Variants in PLEKHH1 observed in about 807,000 individuals in gnomAD.
The protein encoded by PLEKHH1 is pleckstrin homology, MyTH4 and FERM domain containing H1, also known as pleckstrin homology domain-containing family H member 1.
PLEKHH1 carries 104 observed loss-of-function variants against 160.0 expected under a neutral mutation model. The ratio of observed to expected loss-of-function variants is 0.65; its 90% CI spans 0.55 to 0.76. The LOEUF is 0.76. Ranked by LOEUF, PLEKHH1 falls within the 30% of genes least tolerant of loss-of-function variation. The pLI, the probability that PLEKHH1 is intolerant of heterozygous loss-of-function variation, is 0.00. For synonymous variants in PLEKHH1, 619 were observed against 678.4 expected, an observed-to-expected ratio of 0.91 and a Z score of 1.36; for missense variants, 1,427 against 1,724.1, an observed-to-expected ratio of 0.83 and a Z score of 3.05.
intron 2 of PLEKHH1, among the ~76,000 whole-genome samples, chr14:67,545,457 T>A (rs1378944135): frequency 6.6e-6 from 1 of 152,138 alleles, no homozygotes; most frequent in African/African-American, 2.4e-5. Context: ...AACAGAGTAT[T>A]CATACCTCAA....
intron 9 of PLEKHH1, chr14:67,570,270 A>G: frequency 2.1e-6 from 2 of 939,592 alleles, no homozygotes; most frequent in Non-Finnish European, 2.5e-6. Flanking sequence ...AGCTCTCCCC[A>G]CCTTTTCTCA....
In PLEKHH1 at chr14:67,580,995, T is replaced by C; in HGVS notation, c.3241T>C (p.Ser1081Pro). The C allele has an allele frequency of 1.2e-6, 2 of 1,613,556 alleles. No individual in the cohort carries two copies. The highest frequency in any genetic ancestry group is 1.7e-6 in the Non-Finnish European group (2 of 1,179,540). ...QAMKELHPGK[S>P]EGGTRVVKLM... ...CATGAAGGAGCTGCACCCCGGAAAG[T>C]CTGAGGGTGGGACACGCGTCGTGAA... The change falls in exon 23 of 29, where the codon TCT becomes CCT. Residue 1081 changes from serine (S) to proline (P), a missense_variant. Coordinates refer to ENST00000329153, the MANE Select transcript of PLEKHH1 (RefSeq NM_020715.3).
chr14:67,584,208 T>C, intron 26 of PLEKHH1, 84 bp downstream of exon 26: 16 of 1,386,220 alleles, frequency 1.2e-5, no homozygotes, highest in African/African-American at 1.4e-5. Context: ...TTGCAGCCCC[T>C]ACCTCCATAC....
chr14:67,583,876 C>T lies in PLEKHH1; in HGVS notation c.3562C>T (p.Gln1188Ter), dbSNP rs2036022020. The change falls in exon 25 of 29, where the codon CAG becomes TAG. Residue 1188 changes from glutamine to a stop codon, truncating the protein, a stop_gained. Transcript: ENST00000329153. LOFTEE classifies it high-confidence loss of function. ...RRYRHGAPAE[Q>*]LRHLADMLTT... ...CTATAGACATGGGGCCCCCGCTGAA[C>T]AGCTGAGGTAGGTAGGCTACAAGGT... The T allele has an allele frequency of 6.2e-7, 1 of 1,613,620 alleles. No homozygotes were observed. The highest frequency in any genetic ancestry group is 8.5e-7 in the Non-Finnish European group (1 of 1,179,744).
chr14:67,542,137 A>G, intron 2 of PLEKHH1, 144 bp downstream of exon 2: 1 of 784,590 alleles, frequency 1.3e-6, no homozygotes, highest in South Asian at 1.9e-5. Context: ...AAGGTAGTTT[A>G]AGACCAAAGT....
intron 24 of PLEKHH1, 71 bp from the exon 25 acceptor site, chr14:67,583,670 C>A: frequency 8.4e-7 from 1 of 1,188,038 alleles, no homozygotes; most frequent in African/African-American, 1.5e-5. Flanking sequence ...TTTATTTCAC[C>A]TCTCAACAGC....
chr14:67,580,835 T>G, intron 22 of PLEKHH1, 103 bp from the exon 23 acceptor site: 1 of 730,816 alleles, frequency 1.4e-6, no homozygotes, highest in Non-Finnish European at 2.4e-6. Flanking sequence ...GACTTTTCCT[T>G]AGTTTTCTTT....
At chr14:67,583,653 G>T in intron 24 of PLEKHH1, 88 bp from the exon 25 acceptor site, 1 of 968,202 alleles carries the variant, frequency 1.0e-6, no homozygotes, top group South Asian at 1.8e-5. Flanking sequence ...GGGTAATAAA[G>T]AAATGGTTTA....
rs12147004 is a variant in PLEKHH1, at chr14:67,550,820, G to A, written c.127-5005G>A. 6.7e-3 allele frequency among the ~76,000 whole-genome samples: 1,021 copies of A among 152,334 alleles called. 4 individuals carry two copies. Among genetic ancestry groups the A allele is most frequent in the Admixed American group, 0.013 (203 of 15,300 alleles). On this transcript the variant is annotated intron_variant, in intron 2 of 28. Transcript: ENST00000329153. ...TGTACTCTGGAGCCAGTCTACTTGAGTTTGAATTCTGGCTTTGAATCTTAG... is the reference window on the plus strand; with the variant it reads ...TGTACTCTGGAGCCAGTCTACTTGAATTTGAATTCTGGCTTTGAATCTTAG...
Position 67,586,114 on chromosome 14 carries a change from T to G in PLEKHH1, c.3933+17T>G. 6.2e-7 allele frequency: 1 copy of G among 1,613,264 alleles called. No individual in the cohort carries two copies. Among genetic ancestry groups the G allele is most frequent in the Non-Finnish European group, 8.5e-7 (1 of 1,179,640 alleles). On this transcript the variant is annotated intron_variant, in intron 28 of 28. Transcript: ENST00000329153. ...GCTCCCAAGGTAGGTCTGACAGCTG[T>G]TAAAACGTTCTACTCTGGCAAGATG... is the stretch of plus-strand genomic sequence containing the variant.
intron 1 of PLEKHH1, among the ~76,000 whole-genome samples, chr14:67,541,146 A>G (rs1424241978): frequency 6.6e-6 from 1 of 152,218 alleles, no homozygotes; most frequent in Non-Finnish European, 1.5e-5. Context: ...TCCCATCTAA[A>G]TAGAAGATTG....
At chr14:67,542,176 C>G (rs146662507) in intron 2 of PLEKHH1, among the ~76,000 whole-genome samples, 183 bp downstream of exon 2, 1,782 of 150,350 alleles carry the variant, frequency 0.012, 40 homozygotes, top group African/African-American at 0.042. Flanking sequence ...TGTTATCTTG[C>G]TTGCGTCTTT....
At chr14:67,579,659 C>T in intron 21 of PLEKHH1, 62 bp from the exon 22 acceptor site, 14 of 1,521,158 alleles carry the variant, frequency 9.2e-6, no homozygotes, top group African/African-American at 1.4e-5. Flanking sequence ...GACACCTCCA[C>T]CAGCCCTAGT....
rs763742912 is a variant in PLEKHH1 at position 67,582,848 on chromosome 14, AAAACAAAC to A, written c.3426+650_3426+657del. Among the ~76,000 whole-genome samples the A allele has an allele frequency of 2.0e-5, 3 of 152,118 alleles. No homozygotes were observed. Among genetic ancestry groups the A allele is most frequent in the Non-Finnish European group, 4.4e-5 (3 of 68,010 alleles). ...GCAAAACTCTGTCTCAAAACAAAAC[AAAACAAAC>A]AAACAAACAAAAACCTCTGCCAGCC... is the stretch of plus-strand genomic sequence containing the variant. On this transcript the variant is annotated intron_variant, in intron 24 of 28. Transcript: ENST00000329153. The surrounding 1 kb of genome is among the most constrained non-coding windows in gnomAD (Gnocchi z 5.0).
chr14:67,562,350 G>C lies in PLEKHH1; in HGVS notation c.719G>C (p.Ser240Thr), dbSNP rs375037121. Reference sequence around the variant, plus strand: ...GCAGCAAGCCCCTTGGAGGATTCTAGTTCCAGCACGGTCCATTCTGGGGAA... The same window carrying C: ...GCAGCAAGCCCCTTGGAGGATTCTACTTCCAGCACGGTCCATTCTGGGGAA... ...SEAASPLEDSSSSTVHSGETV... is the reference protein window; with the variant it reads ...SEAASPLEDSTSSTVHSGETV... The change falls in exon 7 of 29, where the codon AGT becomes ACT. Residue 240 changes from serine to threonine, a missense_variant. Physicochemically the swap from Ser to Thr is moderately conservative, Grantham distance 58 (BLOSUM62 1). Transcript: ENST00000329153. 1.9e-5 allele frequency: 30 copies of C among 1,613,710 alleles called. No homozygotes were observed. Among genetic ancestry groups the C allele is most frequent in the African/African-American group, 2.7e-5 (2 of 74,928 alleles).
At chr14:67,580,761 G>A (rs571768279) in intron 22 of PLEKHH1, 177 bp from the exon 23 acceptor site, 1 of 575,424 alleles carries the variant, frequency 1.7e-6, no homozygotes, top group African/African-American at 1.9e-5. Context: ...CTGTTTGTGA[G>A]GGAGCTGCTG....
Position 67,575,913 on chromosome 14 carries a change from A to G in PLEKHH1, c.2260A>G (p.Thr754Ala). ...AGACGAGGACTATGAGGCTGGAGGA[A>G]CCAGACGGTTGCTTTCCTCCCACTG... The part of the protein sequence containing the change: ...DSDEDYEAGG[T>A]RRLLSSHCTL... The change falls in exon 16 of 29, where the codon ACC becomes GCC. Residue 754 changes from threonine to alanine, a missense_variant. By Grantham distance (58) the Thr-to-Ala change is moderately conservative. Coordinates refer to ENST00000329153, the MANE Select transcript of PLEKHH1 (RefSeq NM_020715.3). 1 of 1,613,856 alleles carries G rather than the reference A, an allele frequency of 6.2e-7. No individual in the cohort carries two copies.
rs1045599116 is a variant in PLEKHH1 at position 67,580,004 on chromosome 14, C to G, written c.3183+128C>G. 1.4e-5 allele frequency: 12 copies of G among 843,664 alleles called. No homozygotes were observed. In the African/African-American group the frequency reaches 2.0e-4, roughly 14 times the overall value. The allele number at this position is 843,664 out of a possible 1,614,324, so 52.3% of individuals were successfully genotyped here. ...TTGGTGCTGAGCCCAAGGTGCTGCC[C>G]TAGTCAGCATTTCTGTGCCATCCTA... is the stretch of plus-strand genomic sequence containing the variant. On this transcript the variant is annotated intron_variant, in intron 22 of 28. Coordinates refer to ENST00000329153, the MANE Select transcript of PLEKHH1 (RefSeq NM_020715.3).
intron 18 of PLEKHH1, 94 bp downstream of exon 18, chr14:67,577,508 C>T (rs1463032326): frequency 1.2e-6 from 1 of 809,530 alleles, no homozygotes; most frequent in Non-Finnish European, 2.0e-6. Context: ...ACAGAGGGAT[C>T]TGGAGAGGAA....
Sources: allele counts gnomAD v4.1 joint callset (sites outside exome capture counted in the v4.1 genomes callset), GRCh38; gene constraint gnomAD v4.1.1; non-coding constraint Gnocchi (gnomAD v3.1); transcripts MANE v1.5; gene names NCBI Gene and HGNC (gene_info 2026-07-23, HGNC 2026-07-21).